The following RIOK2 variants were observed in gnomAD, a reference collection of about 807,000 sequenced individuals.
RIOK2 encodes the protein serine/threonine-protein kinase RIO2.
RIOK2 carries 46 observed loss-of-function variants against 62.4 expected under a neutral mutation model. That is an observed-to-expected ratio of 0.74 (90% CI 0.58 to 0.94). The LOEUF is 0.94. Among genes scored for constraint, RIOK2 ranks in the 40% least tolerant of loss-of-function variants. The pLI is 0.00. For synonymous variants in RIOK2, 197 were observed against 216.0 expected (o/e 0.91, Z 0.77); for missense variants, 574 against 658.0 (o/e 0.87, Z 1.40).
At chr5:97,165,002 C>T (rs1243799028) in intron 9 of RIOK2, 49 bp downstream of exon 9, 2 of 1,216,660 alleles carry the variant, frequency 1.6e-6, no homozygotes, top group Non-Finnish European at 2.4e-6. Context: ...GCAATCAGAT[C>T]ACAGTAGTGA....
chr5:97,180,599 G>A (rs756282436), intron 1 of RIOK2, among the ~76,000 whole-genome samples: 5 of 152,154 alleles, frequency 3.3e-5, no homozygotes, highest in South Asian at 4.1e-4. Context: ...ATGTTTAGGC[G>A]TGGGAGACAC....
chr5:97,177,089 T>C (rs779727015), intron 4 of RIOK2, 27 bp downstream of exon 4: 1 of 1,592,350 alleles, frequency 6.3e-7, no homozygotes, highest in Non-Finnish European at 8.5e-7. Context: ...GGCTAAAAAA[T>C]GCATGACTAC....
At chr5:97,179,978 A>ATATATATATAATATATATAT (rs1749297985) in intron 1 of RIOK2, among the ~76,000 whole-genome samples, 3 of 22,132 alleles carry the variant, frequency 1.4e-4, no homozygotes, top group African/African-American at 3.9e-4. Flanking sequence ...TATATATATA[A>ATATATATATAATATATATAT]TATATATATA....
Position 97,167,487 on chromosome 5 carries a change from A to T in RIOK2, c.1377T>A (p.Asn459Lys), listed in dbSNP as rs1176559176. The T allele has an allele frequency of 1.2e-6, 2 of 1,614,012 alleles. No homozygotes were observed. Among genetic ancestry groups the T allele is most frequent in the Non-Finnish European group, 1.7e-6 (2 of 1,180,004 alleles). ...CPHLIALSSL[N>K]REFRPFRDEE... is the part of the protein sequence containing the mutation. ...TATACCTGAAAGGCCTGAATTCTCT[A>T]TTTAATGACGACAAGGCAATTAGAT... The change falls in exon 8 of 10, where the codon AAT becomes AAA. Residue 459 changes from asparagine (N) to lysine (K), a missense_variant. Coordinates refer to ENST00000283109, the MANE Select transcript of RIOK2 (RefSeq NM_018343.3).
chr5:97,179,459 A>AAAGTATTT (rs1749275165), intron 1 of RIOK2, among the ~76,000 whole-genome samples: 2 of 152,192 alleles, frequency 1.3e-5, no homozygotes, highest in Admixed American at 6.5e-5. Flanking sequence ...AAAATACTTG[A>AAAGTATTT]TGACACCTAA....
chr5:97,181,318 T>C (rs1048909418), intron 1 of RIOK2, among the ~76,000 whole-genome samples: 2 of 150,302 alleles, frequency 1.3e-5, no homozygotes, highest in African/African-American at 4.9e-5. Context: ...GAAAGGGGCC[T>C]ATATTTAGGA....
At position 97,160,988 on chromosome 5, in the gene RIOK2, A is replaced by G. The variant is rs1478771430; in HGVS notation, c.*2073T>C. 1 of 152,246 alleles carries G rather than the reference A, an allele frequency of 6.6e-6. No individual in the cohort carries two copies. Among genetic ancestry groups the G allele is most frequent in the Admixed American group, 6.5e-5 (1 of 15,292 alleles). 9.4% of individuals were successfully genotyped at this position (152,246 alleles called of 1,614,324 possible). On this transcript the variant is annotated 3_prime_UTR_variant, in exon 10 of 10. Coordinates refer to ENST00000283109, the MANE Select transcript of RIOK2 (RefSeq NM_018343.3). ...GATCATAGCTGAAATACCAGTGACC[A>G]TCACAATAGGAAAGGTGGTCAGCTT...
intron 6 of RIOK2, among the ~76,000 whole-genome samples, chr5:97,170,336 T>C (rs1198064453): frequency 6.6e-6 from 1 of 152,242 alleles, no homozygotes; most frequent in African/African-American, 2.4e-5. Context: ...ATCATGATTC[T>C]GCACTGTGTC....
At chr5:97,181,528 T>C (rs1016006404) in intron 1 of RIOK2, among the ~76,000 whole-genome samples, 2 of 152,042 alleles carry the variant, frequency 1.3e-5, no homozygotes, top group East Asian at 3.9e-4. Context: ...GCCAAAGAAG[T>C]AAAAGGGAAG....
At chr5:97,174,806 C>G (rs1749116692) in intron 4 of RIOK2, among the ~76,000 whole-genome samples, 1 of 152,110 alleles carries the variant, frequency 6.6e-6, no homozygotes, top group African/African-American at 2.4e-5. Flanking sequence ...GCAGTGGTGG[C>G]TCACGCTTAT....
At chr5:97,169,174 C>G (rs748780055) in intron 6 of RIOK2, among the ~76,000 whole-genome samples, 11 of 152,080 alleles carry the variant, frequency 7.2e-5, no homozygotes, top group Non-Finnish European at 1.5e-4. Flanking sequence ...AGATAATGGG[C>G]CTATGGTTTG....
At chr5:97,179,967 A>T (rs1398772907) in intron 1 of RIOK2, among the ~76,000 whole-genome samples, 1 of 53,348 alleles carries the variant, frequency 1.9e-5, no homozygotes, top group African/African-American at 7.1e-5. Flanking sequence ...AGTATTTTAT[A>T]TATATATATA....
chr5:97,178,958 A>G, intron 2 of RIOK2, 97 bp downstream of exon 2: 11 of 1,378,146 alleles, frequency 8.0e-6, no homozygotes, highest in Non-Finnish European at 1.0e-5. Context: ...CTAATGCTTT[A>G]CTAGTCTGGC....
At chr5:97,173,313 T>C (rs1348396977) in intron 4 of RIOK2, 50 bp from the exon 5 acceptor site, 1 of 1,130,442 alleles carries the variant, frequency 8.8e-7, no homozygotes, top group African/African-American at 1.5e-5. Context: ...CATTACTCTT[T>C]AAAGAACAAT....
At chr5:97,170,879 C>T (rs1225049668) in intron 6 of RIOK2, among the ~76,000 whole-genome samples, 2 of 152,034 alleles carry the variant, frequency 1.3e-5, no homozygotes, top group African/African-American at 2.4e-5. Flanking sequence ...AAGGGCCGGG[C>T]GCAATGGCTC....
intron 9 of RIOK2, among the ~76,000 whole-genome samples, chr5:97,164,375 C>T (rs899067297): frequency 2.0e-5 from 3 of 151,980 alleles, no homozygotes; most frequent in Non-Finnish European, 4.4e-5. Flanking sequence ...GTGGTAGGCG[C>T]CTGTAATCCA....
chr5:97,163,313 C>T (rs1007863818), intron 9 of RIOK2, 88 bp from the exon 10 acceptor site: 50 of 1,094,938 alleles, frequency 4.6e-5, no homozygotes, highest in Non-Finnish European at 6.4e-5. Context: ...TATATTGACA[C>T]CATGAATTTT....
chr5:97,177,863 AAG>A lies in RIOK2; in HGVS notation c.206-17_206-16del, dbSNP rs777038295. ...GCCCTGGACAGCTAGACAAAAATCAAAGCATAAAGACCATATTTCAGTTACAT... is the reference window on the plus strand; with the variant it reads ...GCCCTGGACAGCTAGACAAAAATCAACATAAAGACCATATTTCAGTTACAT... On this transcript the variant is annotated splice_polypyrimidine_tract_variant and intron_variant, in intron 2 of 9. Transcript: ENST00000283109. The A allele has an allele frequency of 6.7e-7, 1 of 1,496,758 alleles. No homozygotes were observed. The highest frequency in any genetic ancestry group is 1.7e-5 in the Admixed American group (1 of 57,534). 92.7% of individuals were successfully genotyped at this position (1,496,758 alleles called of 1,614,324 possible). A position where few individuals can be genotyped will look rare whatever the true frequency, so the allele number is the denominator to read the frequency against.
At chr5:97,177,911 G>A (rs991550311) in intron 2 of RIOK2, 63 bp from the exon 3 acceptor site, 2 of 972,856 alleles carry the variant, frequency 2.1e-6, no homozygotes, top group Non-Finnish European at 3.2e-6. Context: ...AGTCACGTAA[G>A]TTCAAGTCAT....
Sources: gnomAD v4.1 joint callset for allele counts (sites outside exome capture counted in the v4.1 genomes callset) on GRCh38, gnomAD v4.1.1 for gene constraint, MANE v1.5 for transcripts, NCBI Gene and HGNC (gene_info 2026-07-23, HGNC 2026-07-21) for gene names.